ENPP2: variants seen among roughly 807,000 people sequenced by gnomAD.
The protein encoded by ENPP2 is ectonucleotide pyrophosphatase/phosphodiesterase 2, also known as autotaxin.
Under a neutral mutation model 120.2 loss-of-function variants are expected in ENPP2, and 51 were observed. The observed-to-expected ratio is 0.42, with a 90% confidence interval of 0.34 to 0.54. ENPP2 has a LOEUF of 0.54. Among genes scored for constraint, ENPP2 ranks in the 20% least tolerant of loss-of-function variants. ENPP2 has a pLI of 0.04. For synonymous variants in ENPP2, 365 were observed against 366.4 expected (o/e 1.00, Z 0.04); for missense variants, 920 against 1,066.5 (o/e 0.86, Z 1.91).
At chr8:119,670,008 T>C (rs1038408813) in intron 1 of ENPP2, among the ~76,000 whole-genome samples, 1 of 152,226 alleles carries the variant, frequency 6.6e-6, no homozygotes, top group Non-Finnish European at 1.5e-5. Context: ...GGATGCCTTC[T>C]CTGGATCAAG....
intron 18 of ENPP2, among the ~76,000 whole-genome samples, chr8:119,582,020 A>T (rs111556002): frequency 3.3e-5 from 5 of 152,304 alleles, no homozygotes; most frequent in African/African-American, 9.6e-5. Flanking sequence ...GGCGTGAGCC[A>T]CCATACCTGG....
At chr8:119,609,669 A>C (rs1587470562) in intron 8 of ENPP2, among the ~76,000 whole-genome samples, 1 of 152,322 alleles carries the variant, frequency 6.6e-6, no homozygotes, top group East Asian at 1.9e-4. Flanking sequence ...AAACCATGCC[A>C]GTTCCCAAAG....
upstream of ENPP2, among the ~76,000 whole-genome samples, chr8:119,639,214 G>A (rs1587555899): frequency 6.6e-6 from 1 of 152,170 alleles, no homozygotes; most frequent in African/African-American, 2.4e-5. Flanking sequence ...AAGCTTTTAA[G>A]GTTTACAATG....
chr8:119,629,966 A>C (rs778019481), intron 2 of ENPP2, among the ~76,000 whole-genome samples: 1 of 152,192 alleles, frequency 6.6e-6, no homozygotes, highest in African/African-American at 2.4e-5. Flanking sequence ...TTAAATAAAT[A>C]AGCTTAGCTA....
intron 8 of ENPP2, among the ~76,000 whole-genome samples, chr8:119,615,674 T>A (rs75151570): frequency 0.073 from 11,140 of 152,294 alleles, 519 homozygotes; most frequent in South Asian, 0.16. Context: ...ATTCATGAAT[T>A]TACTGTGGAT....
intron 8 of ENPP2, among the ~76,000 whole-genome samples, chr8:119,612,663 G>C (rs1815190329): frequency 6.6e-6 from 1 of 152,168 alleles, no homozygotes; most frequent in Admixed American, 6.5e-5. Context: ...GCTGAGGCAG[G>C]CACCTTGCTT....
chr8:119,653,065 G>A (rs1321037323), intron 1 of ENPP2, among the ~76,000 whole-genome samples: 3 of 152,002 alleles, frequency 2.0e-5, no homozygotes, highest in Non-Finnish European at 4.4e-5. Flanking sequence ...AATGATTCCT[G>A]CCCACATCCA....
intron 1 of ENPP2, among the ~76,000 whole-genome samples, chr8:119,648,422 A>G (rs1817535785): frequency 1.3e-5 from 2 of 152,210 alleles, no homozygotes; most frequent in Admixed American, 1.3e-4. Context: ...GAAAATGAGC[A>G]GCTCTTATGT....
At chr8:119,608,466 G>T (rs2130637789) in intron 8 of ENPP2, among the ~76,000 whole-genome samples, 1 of 152,260 alleles carries the variant, frequency 6.6e-6, no homozygotes, top group East Asian at 1.9e-4. Flanking sequence ...GGGGGAAAAA[G>T]GCTAATTTTT....
rs932224549 is a variant in ENPP2 at position 119,593,818 on chromosome 8, A to G, written c.1015T>C (p.Leu339=). 6.2e-7 allele frequency: 1 copy of G among 1,613,390 alleles called. No homozygotes were observed. The highest frequency in any genetic ancestry group is 1.7e-5 in the Admixed American group (1 of 60,018). Residue 339 remains leucine, a synonymous_variant, in exon 12 of 25, where the codon TTA becomes CTA. Coordinates refer to ENST00000075322, the MANE Select transcript of ENPP2 (RefSeq NM_001040092.3). ...LREIDKIVGQ[L]MDGLKQLKLH... is the part of the protein sequence containing the mutation. The stretch of plus-strand genomic sequence containing the variant: ...TTTAGTTGTTTCAGTCCATCCATTA[A>G]TTGCCCCACAATTTTGTCGATTTCC...
intron 2 of ENPP2, among the ~76,000 whole-genome samples, chr8:119,629,036 A>T (rs28627521): frequency 0.015 from 2,228 of 152,276 alleles, 51 homozygotes; most frequent in African/African-American, 0.049. Context: ...TTATATATAA[A>T]TACCATACAA....
chr8:119,611,978 G>A (rs761249110), intron 8 of ENPP2, among the ~76,000 whole-genome samples: 5 of 152,274 alleles, frequency 3.3e-5, no homozygotes, highest in Admixed American at 6.5e-5. Context: ...GCTGTGAGCC[G>A]AGACTGTGCC....
intron 14 of ENPP2, 141 bp from the exon 15 acceptor site, chr8:119,586,454 A>G: frequency 1.5e-6 from 1 of 688,504 alleles, no homozygotes; most frequent in Admixed American, 2.8e-5. Flanking sequence ...TTTCTATTAA[A>G]TAATGTATGC....
At chr8:119,609,314 G>A (rs1165817927) in intron 8 of ENPP2, among the ~76,000 whole-genome samples, 3 of 152,124 alleles carry the variant, frequency 2.0e-5, no homozygotes, top group Non-Finnish European at 2.9e-5. Context: ...GCAGGAGAAC[G>A]TACAGAGCAC....
chr8:119,587,087 G>A lies in ENPP2; in HGVS notation c.1208-12C>T. On this transcript the variant is annotated splice_polypyrimidine_tract_variant and intron_variant, in intron 13 of 24. Transcript: ENST00000075322. ...GGCTTTGGGGTCATCTGTTCAAAGA[G>A]AGGAGAAAGATTTCAAAAGAAATAA... The A allele has an allele frequency of 1.9e-6, 3 of 1,602,858 alleles. No individual in the cohort carries two copies. The highest frequency in any genetic ancestry group is 2.3e-5 in the South Asian group (2 of 88,570).
chr8:119,630,679 G>A (rs2130799435), intron 2 of ENPP2, among the ~76,000 whole-genome samples: 1 of 152,262 alleles, frequency 6.6e-6, no homozygotes, highest in African/African-American at 2.4e-5. Context: ...CTCAAAAGAA[G>A]TACTGTACTT....
intron 2 of ENPP2, among the ~76,000 whole-genome samples, chr8:119,628,509 T>C (rs1816435647): frequency 6.6e-6 from 1 of 152,188 alleles, no homozygotes; most frequent in African/African-American, 2.4e-5. Flanking sequence ...CAAAGTTGTT[T>C]TTCCCGTCAA....
chr8:119,604,954 T>C (rs1027563184), intron 9 of ENPP2, among the ~76,000 whole-genome samples: 15 of 152,038 alleles, frequency 9.9e-5, no homozygotes, highest in Admixed American at 6.6e-5. Context: ...TTTGTATTTT[T>C]AGTAGAGAGG....
At chr8:119,558,821 G>A (rs1813690162) in intron 24 of ENPP2, among the ~76,000 whole-genome samples, 2 of 152,024 alleles carry the variant, frequency 1.3e-5, no homozygotes, top group Admixed American at 1.3e-4. Flanking sequence ...CCTAGGTCTG[G>A]GAATATTCAG....
Sources: allele counts gnomAD v4.1 joint callset (sites outside exome capture counted in the v4.1 genomes callset), GRCh38; gene constraint gnomAD v4.1.1; transcripts MANE v1.5; gene names NCBI Gene and HGNC (gene_info 2026-07-23, HGNC 2026-07-21).